Variants in FLNB observed in about 807,000 individuals in gnomAD.
FLNB encodes filamin-B.
Under a neutral mutation model 250.6 loss-of-function variants are expected in FLNB, and 111 were observed. That is an observed-to-expected ratio of 0.44 (90% CI 0.38 to 0.52). The LOEUF (loss-of-function observed/expected upper bound fraction) is 0.52. Ranked by LOEUF, FLNB falls within the 20% of genes least tolerant of loss-of-function variation. The pLI, the probability that FLNB is intolerant of heterozygous loss-of-function variation, is 0.00. For missense variants in FLNB, 2,869 were observed against 3,447.8 expected (o/e 0.83, Z 4.20); for synonymous variants, 1,302 against 1,372.1 (o/e 0.95, Z 1.13).
At chr3:58,078,888 C>A in intron 3 of FLNB, 74 bp downstream of exon 3, 1 of 1,105,272 alleles carries the variant, frequency 9.0e-7, no homozygotes, top group South Asian at 1.3e-5. Context: ...CTTCCCGGGT[C>A]AGGCAGCCCG....
chr3:58,101,352 C>T (rs1246846309), intron 8 of FLNB, among the ~76,000 whole-genome samples: 2 of 152,124 alleles, frequency 1.3e-5, no homozygotes, highest in Non-Finnish European at 2.9e-5. Flanking sequence ...GACATTTTCC[C>T]CACTAGTCTC....
At chr3:58,051,354 G>C (rs1416246909) in intron 1 of FLNB, among the ~76,000 whole-genome samples, 1 of 152,170 alleles carries the variant, frequency 6.6e-6, no homozygotes, top group Admixed American at 6.5e-5. Context: ...TGGTTTTGTT[G>C]CCTTGAGACA....
At chr3:58,017,904 G>A (rs940637958) in intron 1 of FLNB, among the ~76,000 whole-genome samples, 2 of 152,106 alleles carry the variant, frequency 1.3e-5, no homozygotes, top group African/African-American at 4.8e-5. Context: ...TGACAGAGCC[G>A]CTGACTCTCT....
In FLNB at chr3:58,136,032, G is replaced by A. The variant is rs762930994; in HGVS notation, c.4725G>A (p.Thr1575=). ...RAIVHDNKDG[T]YAVTYIPDKT... is the part of the protein sequence containing the mutation. Reference sequence around the variant, plus strand: ...TTGTCCATGACAATAAAGATGGCACGTATGCTGTCACCTACATCCCCGACA... The same window carrying A: ...TTGTCCATGACAATAAAGATGGCACATATGCTGTCACCTACATCCCCGACA... The change falls in exon 28 of 46, where the codon ACG becomes ACA. Residue 1575 remains threonine, a synonymous_variant. Transcript: ENST00000295956. The A allele has an allele frequency of 6.8e-6, 11 of 1,614,100 alleles. No individual in the cohort carries two copies. The East Asian group carries it at 1.1e-4, about 16-fold the overall frequency.
intron 18 of FLNB, among the ~76,000 whole-genome samples, chr3:58,114,343 C>T (rs1432755397): frequency 1.3e-5 from 2 of 152,180 alleles, no homozygotes; most frequent in Non-Finnish European, 2.9e-5. Flanking sequence ...ACCATGTTGG[C>T]CAGGCCGGTC....
At chr3:58,098,608 C>A in intron 7 of FLNB, 103 bp from the exon 8 acceptor site, 1 of 1,119,252 alleles carries the variant, frequency 8.9e-7, no homozygotes, top group Non-Finnish European at 1.3e-6. Context: ...GCTGGGATTA[C>A]AAGCATGAGC....
Position 58,169,136 on chromosome 3 carries a change from C to A in FLNB, c.7418-454C>A. 1 of 276,962 alleles carries A rather than the reference C, an allele frequency of 3.6e-6. No homozygotes were observed. The highest frequency in any genetic ancestry group is 9.2e-5 in the East Asian group (1 of 10,888). The allele number at this position is 276,962 out of a possible 1,614,324, so 17.2% of individuals were successfully genotyped here. A position where few individuals can be genotyped will look rare whatever the true frequency, so the allele number is the denominator to read the frequency against. ...TTCCACACGTCATGATTCACTGTTA[C>A]ATAAAGAATGTAGGTTCATCGCAGG... On this transcript the variant is annotated intron_variant, in intron 44 of 45. Transcript: ENST00000295956. This position sits in a 1 kb window ranked among gnomAD's most constrained non-coding sequence, Gnocchi z 4.8.
At chr3:58,020,452 C>T (rs924599122) in intron 1 of FLNB, among the ~76,000 whole-genome samples, 6 of 152,164 alleles carry the variant, frequency 3.9e-5, no homozygotes, top group East Asian at 3.9e-4. Flanking sequence ...TCTCCTGAGG[C>T]GCACCTCTCC....
intron 1 of FLNB, among the ~76,000 whole-genome samples, chr3:58,057,522 G>GCTTAGATAGAGTGA (rs147877276): frequency 0.058 from 8,770 of 152,232 alleles, 812 homozygotes; most frequent in African/African-American, 0.2. Context: ...TGATTTGTAG[G>GCTTAGATAGAGTGA]CCAGTAAAGG....
intron 18 of FLNB, among the ~76,000 whole-genome samples, chr3:58,118,347 G>A (rs1288640680): frequency 3.9e-5 from 6 of 152,178 alleles, no homozygotes; most frequent in Non-Finnish European, 8.8e-5. Flanking sequence ...GACAGAAATG[G>A]TTCTGTTTGG....
intron 39 of FLNB, 151 bp from the exon 40 acceptor site, chr3:58,154,640 C>G (rs2107292748): frequency 1.3e-6 from 1 of 762,676 alleles, no homozygotes; most frequent in East Asian, 2.6e-5. Context: ...AGCAATGGAC[C>G]TTGGACCTTG....
intron 1 of FLNB, among the ~76,000 whole-genome samples, chr3:58,059,998 C>G (rs980581384): frequency 1.3e-5 from 2 of 152,156 alleles, no homozygotes; most frequent in African/African-American, 4.8e-5. Context: ...TTGACCTATT[C>G]ATTATTTTTC....
intron 1 of FLNB, among the ~76,000 whole-genome samples, chr3:58,038,483 G>C (rs1247051382): frequency 1.3e-5 from 2 of 151,462 alleles, no homozygotes; most frequent in African/African-American, 4.9e-5. Flanking sequence ...CTGTTGCCCA[G>C]GCTGGAGTAC....
chr3:58,134,367 T>TCC (rs2097312730), intron 26 of FLNB, among the ~76,000 whole-genome samples: 1 of 152,140 alleles, frequency 6.6e-6, no homozygotes, highest in Admixed American at 6.5e-5. Flanking sequence ...ACGAAACCAG[T>TCC]CCCTAGTGCC....
At chr3:58,080,449 G>A (rs2097207526) in intron 3 of FLNB, among the ~76,000 whole-genome samples, 1 of 151,734 alleles carries the variant, frequency 6.6e-6, no homozygotes, top group African/African-American at 2.4e-5. Flanking sequence ...GATGGGTCTA[G>A]TCTTGCTCCT....
chr3:58,036,626 G>A (rs2097138466), intron 1 of FLNB, among the ~76,000 whole-genome samples: 1 of 152,148 alleles, frequency 6.6e-6, no homozygotes, highest in Non-Finnish European at 1.5e-5. Context: ...AATTTGTGGA[G>A]GTTCAGACTC....
chr3:58,152,978 C>T, intron 38 of FLNB: 1 of 326,866 alleles, frequency 3.1e-6, no homozygotes, highest in South Asian at 2.8e-5. Context: ...GCATGGTTTC[C>T]CCTCTGCCAT....
intron 33 of FLNB, 92 bp downstream of exon 33, chr3:58,146,141 A>G: frequency 7.4e-7 from 1 of 1,351,612 alleles, no homozygotes; most frequent in East Asian, 2.3e-5. Flanking sequence ...AAAGTGAGAC[A>G]ATCGAATGGT....
chr3:58,078,557 C>T (rs1316699773), intron 2 of FLNB, 160 bp from the exon 3 acceptor site: 1 of 1,533,388 alleles, frequency 6.5e-7, no homozygotes, highest in Non-Finnish European at 8.7e-7. Flanking sequence ...ACACTCATAC[C>T]TGTGATACTT....
Sources: gnomAD v4.1 joint callset for allele counts (sites outside exome capture counted in the v4.1 genomes callset) on GRCh38, gnomAD v4.1.1 for gene constraint, Gnocchi (gnomAD v3.1) non-coding constraint, MANE v1.5 for transcripts, NCBI Gene and HGNC (gene_info 2026-07-23, HGNC 2026-07-21) for gene names.